SEL1L3: variants seen among roughly 807,000 people sequenced by gnomAD.
The protein encoded by SEL1L3 is SEL1L family member 3, also known as protein sel-1 homolog 3.
A neutral mutation model predicts 142.8 loss-of-function variants in SEL1L3; 76 were observed. The ratio of observed to expected loss-of-function variants is 0.53; its 90% CI spans 0.44 to 0.64. The LOEUF is 0.64. Ranked by LOEUF, SEL1L3 falls within the 30% of genes least tolerant of loss-of-function variation. The pLI is 0.00. For missense variants in SEL1L3, 1,262 were observed against 1,381.7 expected (o/e 0.91, Z 1.37); for synonymous variants, 504 against 519.6 (o/e 0.97, Z 0.41).
At position 25,862,694 on chromosome 4, in the gene SEL1L3, A is replaced by G; in HGVS notation, c.143T>C (p.Leu48Pro). The G allele has an allele frequency of 7.7e-7, 1 of 1,304,610 alleles. No individual in the cohort carries two copies. The highest frequency in any genetic ancestry group is 9.8e-7 in the Non-Finnish European group (1 of 1,023,808). The allele number at this position is 1,304,610 out of a possible 1,614,324, so 80.8% of individuals were successfully genotyped here. A position where few individuals can be genotyped will look rare whatever the true frequency, so the allele number is the denominator to read the frequency against. The change falls in exon 1 of 24, where the codon CTG (leucine) becomes CCG (proline). Residue 48 changes from leucine (L) to proline (P), a missense_variant. Around this residue, in one of 3 missense-constraint regions of SEL1L3, gnomAD observed 689 missense variants for 692.8 expected, o/e 0.99. Transcript: ENST00000399878. The stretch of plus-strand genomic sequence containing the variant: ...GCTCACCAGGTAGCAGAGCAGGAGC[A>G]GCGCGCAGGCAGAGCGGCCGCCGAG... ...QGLGGRSACALLLLCYLNVVP... is the reference protein window; with the variant it reads ...QGLGGRSACAPLLLCYLNVVP...
the SEL1L3 span, among the ~76,000 whole-genome samples, chr4:25,724,182 G>A: frequency 3.9e-5 from 6 of 152,114 alleles, no homozygotes; most frequent in African/African-American, 1.2e-4. Flanking sequence ...ACTTTGAGAG[G>A]CCGAGGAGGG....
intron 16 of SEL1L3, 141 bp downstream of exon 16, chr4:25,778,935 T>C: frequency 1.5e-6 from 1 of 647,828 alleles, no homozygotes; most frequent in Non-Finnish European, 2.4e-6. Context: ...GTTTTAATTT[T>C]GTCTTGTCAA....
chr4:25,801,498 A>G (rs1713180871), intron 11 of SEL1L3, among the ~76,000 whole-genome samples: 1 of 152,128 alleles, frequency 6.6e-6, no homozygotes, highest in South Asian at 2.1e-4. Flanking sequence ...TTATTCTTAC[A>G]CTATCACCTT....
chr4:25,761,938 A>T (rs979144916), intron 20 of SEL1L3, among the ~76,000 whole-genome samples: 3 of 152,048 alleles, frequency 2.0e-5, no homozygotes, highest in Non-Finnish European at 4.4e-5. Context: ...TCATAAAACC[A>T]TTTATTTTTT....
chr4:25,783,675 ATT>A (rs1348255974), intron 14 of SEL1L3, among the ~76,000 whole-genome samples: 6 of 152,216 alleles, frequency 3.9e-5, no homozygotes, highest in African/African-American at 1.4e-4. Flanking sequence ...CGAAAGCAAC[ATT>A]GTAACCTCCA....
At chr4:25,805,446 G>A (rs1713491116) in intron 9 of SEL1L3, among the ~76,000 whole-genome samples, 1 of 152,196 alleles carries the variant, frequency 6.6e-6, no homozygotes. Context: ...CAAGCAGTGA[G>A]CCCTGCTTCA....
the SEL1L3 span, among the ~76,000 whole-genome samples, chr4:25,736,081 G>A: frequency 2.0e-5 from 3 of 151,594 alleles, no homozygotes; most frequent in South Asian, 2.1e-4. Flanking sequence ...CACCCGCCTC[G>A]GCCTCCCAAA....
At chr4:25,731,813 G>A in the SEL1L3 span, among the ~76,000 whole-genome samples, 1 of 152,016 alleles carries the variant, frequency 6.6e-6, no homozygotes, top group African/African-American at 2.4e-5. Flanking sequence ...TGGCTCATGC[G>A]TGTAATCCCA....
chr4:25,786,129 A>G (rs1261271017), intron 13 of SEL1L3, among the ~76,000 whole-genome samples: 2 of 152,210 alleles, frequency 1.3e-5, no homozygotes, highest in East Asian at 3.8e-4. Flanking sequence ...TCAAAGCTTT[A>G]TCCTCATGTG....
chr4:25,735,762 C>T, the SEL1L3 span, among the ~76,000 whole-genome samples: 2,122 of 147,868 alleles, frequency 0.014, 53 homozygotes, highest in African/African-American at 0.049. Flanking sequence ...TTCTAATATC[C>T]TTTGTGATTT....
intron 6 of SEL1L3, among the ~76,000 whole-genome samples, chr4:25,827,854 C>CTTTTTTTTTTTTTTTTTTTTTTTTTT (rs1715191193): frequency 6.6e-6 from 1 of 152,162 alleles, no homozygotes; most frequent in Non-Finnish European, 1.5e-5. Context: ...AGAGGAAGCT[C>CTTTTTTTTTTTTTTTTTTTTTTTTTT]TTATTTTAAA....
chr4:25,723,889 T>C, the SEL1L3 span, among the ~76,000 whole-genome samples: 6 of 152,168 alleles, frequency 3.9e-5, no homozygotes, highest in Non-Finnish European at 7.3e-5. Context: ...ACTTATTTAT[T>C]CACATAGCAA....
rs777542140 is a variant in SEL1L3, at chr4:25,788,311, G to A, written c.2130C>T (p.Pro710=). The change falls in exon 13 of 24, where the codon CCC becomes CCT. Residue 710 remains proline (P), a synonymous_variant. Transcript: ENST00000399878. The surrounding 1 kb of genome is among the most constrained non-coding windows in gnomAD (Gnocchi z 5.3). ...FWGQQGVAKN[P]EAAIEWYAKG... ...TGGCGTACCACTCAATTGCTGCTTC[G>A]GGATTCTTGGCCACACCTTGCTGCC... 6.2e-6 allele frequency: 10 copies of A among 1,613,894 alleles called. No homozygotes were observed. The highest frequency in any genetic ancestry group is 2.2e-5 in the South Asian group (2 of 91,074).
At chr4:25,756,844 A>C (rs1327278249) in intron 23 of SEL1L3, 9 of 1,274,610 alleles carry the variant, frequency 7.1e-6, no homozygotes, top group Non-Finnish European at 9.2e-6. Flanking sequence ...GACTGAAATG[A>C]AAGGGAAGAC....
chr4:25,789,853 G>T (rs1712166971), intron 12 of SEL1L3, among the ~76,000 whole-genome samples: 1 of 152,078 alleles, frequency 6.6e-6, no homozygotes, highest in South Asian at 2.1e-4. Context: ...AAGCAGAGAG[G>T]GTGCTTCCCC....
intron 2 of SEL1L3, among the ~76,000 whole-genome samples, chr4:25,837,818 C>G (rs950888103): frequency 6.6e-6 from 1 of 152,026 alleles, no homozygotes; most frequent in Non-Finnish European, 1.5e-5. Flanking sequence ...GATCTATTGT[C>G]TAATAACTGG....
chr4:25,802,138 A>G, intron 11 of SEL1L3, 145 bp downstream of exon 11: 1 of 655,260 alleles, frequency 1.5e-6, no homozygotes. Context: ...GTAATAGGAA[A>G]TGGAGAGCGC....
At chr4:25,814,980 T>C (rs1348841061) in intron 9 of SEL1L3, among the ~76,000 whole-genome samples, 1 of 151,952 alleles carries the variant, frequency 6.6e-6, no homozygotes, top group African/African-American at 2.4e-5. Context: ...CAATGTGACC[T>C]AGAGAAAGAG....
At chr4:25,754,777 C>T (rs1244751325) in intron 23 of SEL1L3, among the ~76,000 whole-genome samples, 2 of 152,194 alleles carry the variant, frequency 1.3e-5, no homozygotes, top group African/African-American at 2.4e-5. Context: ...GATTCATATG[C>T]ACATTAAAAT....
Sources: allele counts gnomAD v4.1 joint callset (sites outside exome capture counted in the v4.1 genomes callset), GRCh38; gene constraint gnomAD v4.1.1; regional missense constraint gnomAD v4.1.1; non-coding constraint Gnocchi (gnomAD v3.1); transcripts MANE v1.5; gene names NCBI Gene and HGNC (gene_info 2026-07-23, HGNC 2026-07-21).